The following NALF1 variants were observed in gnomAD, a reference collection of about 807,000 sequenced individuals.
NALF1 encodes the protein family with sequence similarity 155 member A.
Under a neutral mutation model 48.4 loss-of-function variants are expected in NALF1, and 3 were observed. The observed-to-expected ratio is 0.06, with a 90% CI of 0.03 to 0.16. The LOEUF (loss-of-function observed/expected upper bound fraction) is 0.16, where lower values mean the gene tolerates loss of function less well. NALF1 is among the 10% of genes least tolerant of loss of function. NALF1 has a pLI of 1.00. For missense variants in NALF1, 526 were observed against 571.5 expected (o/e 0.92, Z 0.81); for synonymous variants, 262 against 245.7 (o/e 1.07, Z -0.62).
At chr13:107,700,242 G>A (rs1881787988) in intron 1 of NALF1, among the ~76,000 whole-genome samples, 1 of 151,894 alleles carries the variant, frequency 6.6e-6, no homozygotes, top group African/African-American at 2.4e-5. Flanking sequence ...CAAAATTCCT[G>A]GTTAAAAATT....
At chr13:107,529,254 G>A (rs1242319369) in intron 1 of NALF1, among the ~76,000 whole-genome samples, 1 of 152,126 alleles carries the variant, frequency 6.6e-6, no homozygotes, top group African/African-American at 2.4e-5. Context: ...TACCTGCATA[G>A]TGAATAATTA....
chr13:107,219,306 C>A (rs1052810310), intron 1 of NALF1, among the ~76,000 whole-genome samples: 4 of 152,146 alleles, frequency 2.6e-5, no homozygotes, highest in Non-Finnish European at 4.4e-5. Context: ...TTTAACCTGG[C>A]CTGTATGGAC....
intron 1 of NALF1, among the ~76,000 whole-genome samples, chr13:107,381,168 G>C (rs925591172): frequency 4.7e-5 from 7 of 147,556 alleles, no homozygotes; most frequent in Non-Finnish European, 3.0e-5. Flanking sequence ...AAGTTCGTTA[G>C]AATAGAGGGG....
chr13:107,184,470 GTTTTCCGGAGAGCTC>G (rs1421505257), intron 2 of NALF1, among the ~76,000 whole-genome samples: 1 of 152,062 alleles, frequency 6.6e-6, no homozygotes, highest in Non-Finnish European at 1.5e-5. Flanking sequence ...CTTAGTCTCT[GTTTTCCGGAGAGCTC>G]TTCAAGACTG....
intron 1 of NALF1, among the ~76,000 whole-genome samples, chr13:107,672,521 CAGAGA>C (rs1326540745): frequency 6.6e-6 from 1 of 152,102 alleles, no homozygotes; most frequent in African/African-American, 2.4e-5. Context: ...AAACTGATAT[CAGAGA>C]AGATACTGGG....
intron 1 of NALF1, among the ~76,000 whole-genome samples, chr13:107,302,330 T>C (rs1056207659): frequency 6.6e-6 from 1 of 152,180 alleles, no homozygotes; most frequent in African/African-American, 2.4e-5. Flanking sequence ...TATTCTGTTA[T>C]GAGCAACAGA....
At chr13:107,736,327 A>G (rs1566462827) in intron 1 of NALF1, among the ~76,000 whole-genome samples, 1 of 152,098 alleles carries the variant, frequency 6.6e-6, no homozygotes, top group Non-Finnish European at 1.5e-5. Context: ...GGCATTTCTT[A>G]GGTTGCATAA....
intron 1 of NALF1, among the ~76,000 whole-genome samples, chr13:107,594,419 G>A (rs9520501): frequency 2.0e-5 from 3 of 151,832 alleles, no homozygotes; most frequent in Non-Finnish European, 1.5e-5. Flanking sequence ...ATCTCTCCCT[G>A]TGTCTCTCCT....
At chr13:107,529,692 G>C (rs1310493562) in intron 1 of NALF1, among the ~76,000 whole-genome samples, 12 of 152,090 alleles carry the variant, frequency 7.9e-5, no homozygotes, top group Non-Finnish European at 1.8e-4. Context: ...TGTGATGATT[G>C]GAAGATGTGA....
intron 1 of NALF1, among the ~76,000 whole-genome samples, chr13:107,749,927 C>A (rs1876887273): frequency 6.6e-6 from 1 of 151,978 alleles, no homozygotes; most frequent in Non-Finnish European, 1.5e-5. Context: ...TCAAGCGATT[C>A]TCCTGCCTCA....
chr13:107,232,458 G>A (rs1880246955), intron 1 of NALF1, among the ~76,000 whole-genome samples: 1 of 152,136 alleles, frequency 6.6e-6, no homozygotes, highest in African/African-American at 2.4e-5. Flanking sequence ...TCTAAGATTC[G>A]ATGTTGATTC....
At chr13:107,808,091 A>G (rs980584029) in intron 1 of NALF1, among the ~76,000 whole-genome samples, 3 of 152,180 alleles carry the variant, frequency 2.0e-5, no homozygotes, top group African/African-American at 7.2e-5. Context: ...ATACTTGGCT[A>G]CAAGAATCGA....
chr13:107,647,810 T>C (rs147099788), intron 1 of NALF1, among the ~76,000 whole-genome samples: 280 of 152,208 alleles, frequency 1.8e-3, no homozygotes, highest in Middle Eastern at 3.4e-3. Context: ...AAATATTACA[T>C]TTTCCAAATT....
chr13:107,758,990 C>A (rs1168186385), intron 1 of NALF1, among the ~76,000 whole-genome samples: 1 of 151,850 alleles, frequency 6.6e-6, no homozygotes, highest in African/African-American at 2.4e-5. Flanking sequence ...ACTCTACAAC[C>A]AATTCCAGTT....
chr13:107,669,068 T>G (rs1408751742), intron 1 of NALF1, among the ~76,000 whole-genome samples: 1 of 152,148 alleles, frequency 6.6e-6, no homozygotes, highest in East Asian at 1.9e-4. Context: ...GATATTAAGC[T>G]TTTTGTACAT....
intron 1 of NALF1, among the ~76,000 whole-genome samples, chr13:107,519,102 G>A (rs1876154255): frequency 9.2e-6 from 1 of 109,052 alleles, no homozygotes; most frequent in South Asian, 3.7e-4. Context: ...GCTAATAGCT[G>A]ATAAAAATCA....
chr13:107,541,277 C>CT (rs1472783557), intron 1 of NALF1, among the ~76,000 whole-genome samples: 1 of 152,140 alleles, frequency 6.6e-6, no homozygotes, highest in African/African-American at 2.4e-5. Context: ...TTTGAAGAGG[C>CT]TGTTCCAGCA....
chr13:107,243,898 G>T (rs574091457), intron 1 of NALF1, among the ~76,000 whole-genome samples: 2 of 152,162 alleles, frequency 1.3e-5, no homozygotes, highest in African/African-American at 2.4e-5. Context: ...ACCCAATTTA[G>T]CCAAAGAAAT....
intron 1 of NALF1, among the ~76,000 whole-genome samples, chr13:107,797,238 C>T (rs1962560): frequency 0.19 from 28,882 of 152,126 alleles, 2,856 homozygotes; most frequent in Middle Eastern, 0.22. Context: ...CGGAGTCTCG[C>T]TCTGTCACCC....
Sources: allele counts gnomAD v4.1 joint callset (sites outside exome capture counted in the v4.1 genomes callset), GRCh38; gene constraint gnomAD v4.1.1; transcripts MANE v1.5; gene names NCBI Gene and HGNC (gene_info 2026-07-23, HGNC 2026-07-21).